Variants in NPHP1 observed in about 807,000 individuals in gnomAD.
The protein encoded by NPHP1 is nephrocystin-1.
In NPHP1, 70 loss-of-function variants were observed where a neutral mutation model predicts 90.4. The observed-to-expected ratio is 0.77, with a 90% CI of 0.64 to 0.95. The LOEUF is 0.95. NPHP1 is among the 40% of genes least tolerant of loss of function. NPHP1 has a pLI of 0.00. For missense variants in NPHP1, 764 were observed against 795.9 expected (o/e 0.96, Z 0.48); for synonymous variants, 256 against 271.7 (o/e 0.94, Z 0.57).
chr2:110,140,024 A>G (rs1159657489), intron 16 of NPHP1, among the ~76,000 whole-genome samples: 1 of 150,252 alleles, frequency 6.7e-6, no homozygotes, highest in African/African-American at 2.5e-5. Flanking sequence ...GCACAGCCCC[A>G]CCCCGCCCCC....
chr2:110,203,676 T>G (rs917963112), intron 1 of NPHP1, among the ~76,000 whole-genome samples: 3 of 152,040 alleles, frequency 2.0e-5, no homozygotes, highest in Admixed American at 1.3e-4. Context: ...TTTTACTCAG[T>G]GGAAAAATAC....
intron 2 of NPHP1, among the ~76,000 whole-genome samples, chr2:110,192,780 G>T (rs1352040595): frequency 6.6e-6 from 1 of 152,114 alleles, no homozygotes; most frequent in Non-Finnish European, 1.5e-5. Flanking sequence ...ACCCACAAAG[G>T]GAAGCCCATC....
chr2:110,146,083 A>T (rs969978408), intron 14 of NPHP1, among the ~76,000 whole-genome samples: 1 of 152,196 alleles, frequency 6.6e-6, no homozygotes, highest in Non-Finnish European at 1.5e-5. Context: ...CTGGGACTGG[A>T]GCCCAAAATT....
At chr2:110,172,132 A>C (rs191790295) in intron 4 of NPHP1, among the ~76,000 whole-genome samples, 1 of 152,060 alleles carries the variant, frequency 6.6e-6, no homozygotes, top group Non-Finnish European at 1.5e-5. Context: ...ATTTTAGTAC[A>C]TTTTCTTTTT....
At chr2:110,152,635 A>G (rs1681569408) in intron 11 of NPHP1, among the ~76,000 whole-genome samples, 1 of 150,414 alleles carries the variant, frequency 6.6e-6, no homozygotes, top group Admixed American at 6.7e-5. Context: ...CCTGCTTCTC[A>G]TAAAAAGTAG....
At chr2:110,124,155 G>T in intron 19 of NPHP1, 92 bp from the exon 20 acceptor site, 1 of 1,446,626 alleles carries the variant, frequency 6.9e-7, no homozygotes, top group Non-Finnish European at 9.7e-7. Context: ...TAAGAGGTAG[G>T]ATGGAGGGTG....
intron 11 of NPHP1, among the ~76,000 whole-genome samples, chr2:110,155,870 GA>G (rs1362460479): frequency 6.6e-6 from 1 of 152,076 alleles, no homozygotes; most frequent in Non-Finnish European, 1.5e-5. Flanking sequence ...ATGCTGAAAT[GA>G]GTTAAGACTT....
chr2:110,168,266 C>A (rs531954512), intron 6 of NPHP1, among the ~76,000 whole-genome samples, 186 bp downstream of exon 6: 2 of 152,162 alleles, frequency 1.3e-5, no homozygotes, highest in South Asian at 2.1e-4. Context: ...TGCGTAAGAG[C>A]ACTTCACAGG....
At chr2:110,144,271 C>A (rs1003995329) in intron 15 of NPHP1, 1 of 546,242 alleles carries the variant, frequency 1.8e-6, no homozygotes, top group Non-Finnish European at 3.3e-6. Flanking sequence ...TGCATTAGTT[C>A]TCATTCTTCA....
At chr2:110,180,448 CTTTTTTTTT>C (rs3086121) in intron 2 of NPHP1, among the ~76,000 whole-genome samples, 16 of 80,900 alleles carry the variant, frequency 2.0e-4, no homozygotes, top group Middle Eastern at 0.015. Flanking sequence ...CCGTTTGAGT[CTTTTTTTTT>C]TTTTTTTTTT....
chr2:110,163,332 C>T (rs2104554783), intron 8 of NPHP1, 197 bp from the exon 9 acceptor site: 1 of 583,984 alleles, frequency 1.7e-6, no homozygotes, highest in Admixed American at 2.7e-5. Context: ...AGGACCTAAG[C>T]CCCATACAGT....
intron 2 of NPHP1, among the ~76,000 whole-genome samples, chr2:110,193,404 CAAAG>C (rs545777627): frequency 0.041 from 6,288 of 151,860 alleles, 399 homozygotes; most frequent in African/African-American, 0.14. Context: ...TCAAAAGAGA[CAAAG>C]AAGGCCATTA....
At chr2:110,140,699 G>A (rs1680558048) in intron 16 of NPHP1, among the ~76,000 whole-genome samples, 1 of 152,066 alleles carries the variant, frequency 6.6e-6, no homozygotes, top group East Asian at 1.9e-4. Flanking sequence ...CTTTCACAAA[G>A]ACTACTACTG....
chr2:110,129,140 T>A (rs1233302965), intron 18 of NPHP1, 46 bp downstream of exon 18: 2 of 1,438,934 alleles, frequency 1.4e-6, no homozygotes, highest in Non-Finnish European at 2.0e-6. Context: ...AGTGTATAAC[T>A]GCTTCCATAA....
At position 110,123,457 on chromosome 2, in the gene NPHP1, T is replaced by C; in HGVS notation, c.*334A>G. On this transcript the variant is annotated 3_prime_UTR_variant, in exon 20 of 20. Transcript: ENST00000445609. The stretch of plus-strand genomic sequence containing the variant: ...ATATGTTTTCCCATTCTGTAGGTTG[T>C]TTTTTTCACTTTCTTGAATAATCAT... 4.8e-6 allele frequency: 1 copy of C among 206,968 alleles called. No homozygotes were observed. 12.8% of individuals were successfully genotyped at this position (206,968 alleles called of 1,614,324 possible). A position where few individuals can be genotyped will look rare whatever the true frequency, so the allele number is the denominator to read the frequency against.
intron 18 of NPHP1, chr2:110,125,971 C>A (rs184032621): frequency 8.8e-6 from 4 of 456,780 alleles, no homozygotes; most frequent in Non-Finnish European, 1.6e-5. Flanking sequence ...GAAAACTATA[C>A]AACCACAGCA....
intron 14 of NPHP1, 133 bp from the exon 15 acceptor site, chr2:110,144,702 A>G (rs1365603432): frequency 4.4e-6 from 3 of 684,476 alleles, no homozygotes; most frequent in Admixed American, 2.1e-5. Flanking sequence ...AATGAAAAGA[A>G]TAATTGTTGA....
rs754770862 is a variant in NPHP1, at chr2:110,129,192, A to C, written c.1710T>G (p.Ala570=). Residue 570 remains alanine (A), a synonymous_variant, in exon 18 of 20, where the codon GCT becomes GCG. Transcript: ENST00000445609. ...MLLEQPDVMD[A]LRSSWAGKES... is the part of the protein sequence containing the mutation. ...TGCAATGCATGCTACCCACCCTGAG[A>C]GCATCCATCACATCAGGCTGCTCCA... The C allele has an allele frequency of 6.2e-7, 1 of 1,612,370 alleles. No individual in the cohort carries two copies. The highest frequency in any genetic ancestry group is 1.7e-5 in the Admixed American group (1 of 59,988).
chr2:110,138,488 C>T (rs912113458), intron 16 of NPHP1, among the ~76,000 whole-genome samples: 14 of 152,006 alleles, frequency 9.2e-5, no homozygotes, highest in African/African-American at 3.4e-4. Flanking sequence ...TTTTTTCAAC[C>T]TGGCTAAATT....
Sources: allele counts gnomAD v4.1 joint callset (sites outside exome capture counted in the v4.1 genomes callset), GRCh38; gene constraint gnomAD v4.1.1; transcripts MANE v1.5; gene names NCBI Gene and HGNC (gene_info 2026-07-23, HGNC 2026-07-21).